Variants in GALNTL6 observed in about 807,000 individuals in gnomAD.
GALNTL6 encodes the protein polypeptide N-acetylgalactosaminyltransferase-like 6.
GALNTL6 carries 46 observed loss-of-function variants against 73.7 expected under a neutral mutation model. That is an observed-to-expected ratio of 0.62 (90% CI 0.49 to 0.80). The LOEUF (loss-of-function observed/expected upper bound fraction) is 0.80. Ranked by LOEUF, GALNTL6 falls within the 30% of genes least tolerant of loss-of-function variation. The pLI, the probability that GALNTL6 is intolerant of heterozygous loss-of-function variation, is 0.00. For synonymous variants in GALNTL6, 259 were observed against 263.7 expected (o/e 0.98, Z 0.17); for missense variants, 604 against 755.0 (o/e 0.80, Z 2.34).
chr4:171,908,516 A>G (rs1737371914), intron 2 of GALNTL6, among the ~76,000 whole-genome samples: 1 of 152,124 alleles, frequency 6.6e-6, no homozygotes, highest in Admixed American at 6.6e-5. Flanking sequence ...GAGGATGTGG[A>G]GAAATAGGAA....
intron 4 of GALNTL6, among the ~76,000 whole-genome samples, chr4:172,344,993 A>T (rs564410002): frequency 6.6e-6 from 1 of 152,188 alleles, no homozygotes; most frequent in Non-Finnish European, 1.5e-5. Context: ...TAATAATGAC[A>T]GTATTTATTA....
At chr4:171,849,246 T>G (rs756118885) in intron 2 of GALNTL6, among the ~76,000 whole-genome samples, 2 of 152,194 alleles carry the variant, frequency 1.3e-5, no homozygotes, top group Non-Finnish European at 2.9e-5. Context: ...ATTTCAATAT[T>G]GTGTCTCAGA....
chr4:172,749,107 GAGA>G (rs907904261), intron 5 of GALNTL6, among the ~76,000 whole-genome samples: 1 of 151,276 alleles, frequency 6.6e-6, no homozygotes, highest in African/African-American at 2.4e-5. Flanking sequence ...TTTTTTGATA[GAGA>G]AGAAGTTTCA....
At chr4:172,700,836 A>T (rs1253642088) in intron 5 of GALNTL6, among the ~76,000 whole-genome samples, 1 of 152,178 alleles carries the variant, frequency 6.6e-6, no homozygotes, top group Admixed American at 6.6e-5. Flanking sequence ...AATTTGAGAT[A>T]TTATATAGGC....
intron 2 of GALNTL6, among the ~76,000 whole-genome samples, chr4:172,212,017 TTTGTC>T (rs1159341924): frequency 6.6e-6 from 1 of 152,138 alleles, no homozygotes; most frequent in Non-Finnish European, 1.5e-5. Flanking sequence ...TTTTGTGTTG[TTTGTC>T]TTTAGTTTTC....
intron 8 of GALNTL6, among the ~76,000 whole-genome samples, chr4:172,912,659 G>A (rs1443207577): frequency 6.6e-6 from 1 of 152,182 alleles, no homozygotes; most frequent in Non-Finnish European, 1.5e-5. Context: ...CCGCAGCGAG[G>A]GTGGGGGAGG....
chr4:172,601,520 G>A (rs555480982), intron 5 of GALNTL6, among the ~76,000 whole-genome samples: 2 of 152,124 alleles, frequency 1.3e-5, no homozygotes, highest in African/African-American at 2.4e-5. Flanking sequence ...CCTCTCTCAC[G>A]ATGGATCACT....
chr4:172,700,712 C>A (rs1337103785), intron 5 of GALNTL6, among the ~76,000 whole-genome samples: 2 of 152,180 alleles, frequency 1.3e-5, no homozygotes, highest in African/African-American at 2.4e-5. Context: ...CATTAACATT[C>A]CTGACATATG....
chr4:172,392,605 G>A (rs73868995), intron 5 of GALNTL6, among the ~76,000 whole-genome samples: 19,786 of 152,016 alleles, frequency 0.13, 1,294 homozygotes, highest in East Asian at 0.17. Context: ...AGTTGCTCTG[G>A]CTGAAAGTTT....
At chr4:171,947,352 G>A (rs1738734485) in intron 2 of GALNTL6, among the ~76,000 whole-genome samples, 1 of 152,060 alleles carries the variant, frequency 6.6e-6, no homozygotes, top group African/African-American at 2.4e-5. Context: ...ATGAATTATA[G>A]GTTGTAAGGG....
chr4:171,992,768 T>C (rs922556484), intron 2 of GALNTL6, among the ~76,000 whole-genome samples: 4 of 152,110 alleles, frequency 2.6e-5, no homozygotes, highest in African/African-American at 9.6e-5. Flanking sequence ...TAGGGTTTCA[T>C]AGAACATAAG....
At chr4:171,943,917 T>A (rs1738626638) in intron 2 of GALNTL6, among the ~76,000 whole-genome samples, 1 of 52,656 alleles carries the variant, frequency 1.9e-5, no homozygotes, top group Non-Finnish European at 5.5e-5. Context: ...GGTATAATTT[T>A]CTTAAGTTAA....
chr4:172,171,765 CA>C (rs1734837309), intron 2 of GALNTL6, among the ~76,000 whole-genome samples: 1 of 151,926 alleles, frequency 6.6e-6, no homozygotes, highest in South Asian at 2.1e-4. Context: ...GCACACGTTG[CA>C]GTGAGCCGAG....
At chr4:172,452,016 T>C (rs754494399) in intron 5 of GALNTL6, among the ~76,000 whole-genome samples, 29 of 151,982 alleles carry the variant, frequency 1.9e-4, no homozygotes, top group Non-Finnish European at 3.7e-4. Context: ...GTCTCAAAAA[T>C]AAATAAATAA....
intron 3 of GALNTL6, among the ~76,000 whole-genome samples, chr4:172,299,513 A>C (rs1381444334): frequency 2.0e-5 from 3 of 152,150 alleles, no homozygotes; most frequent in African/African-American, 7.2e-5. Context: ...TTAGTGCTAT[A>C]AATTTCCCTC....
At chr4:172,057,434 G>A (rs1731049025) in intron 2 of GALNTL6, among the ~76,000 whole-genome samples, 1 of 151,568 alleles carries the variant, frequency 6.6e-6, no homozygotes, top group South Asian at 2.1e-4. Flanking sequence ...CATGCCTGTG[G>A]TCCCAACTAC....
intron 2 of GALNTL6, among the ~76,000 whole-genome samples, chr4:171,890,489 T>C (rs1473324685): frequency 6.6e-6 from 1 of 152,148 alleles, no homozygotes; most frequent in Non-Finnish European, 1.5e-5. Flanking sequence ...TATCTGTTTA[T>C]AGAAAAGTTA....
At chr4:172,133,513 CAA>C (rs1315711166) in intron 2 of GALNTL6, among the ~76,000 whole-genome samples, 1 of 152,092 alleles carries the variant, frequency 6.6e-6, no homozygotes, top group African/African-American at 2.4e-5. Context: ...TAGTGAAAAA[CAA>C]AAAGACAGGT....
intron 12 of GALNTL6, among the ~76,000 whole-genome samples, chr4:173,030,860 G>C (rs887351251): frequency 6.6e-6 from 1 of 151,602 alleles, no homozygotes; most frequent in East Asian, 1.9e-4. Context: ...AAAAAAGCTG[G>C]GCATAGTGGC....
Sources: allele counts gnomAD v4.1 joint callset (sites outside exome capture counted in the v4.1 genomes callset), GRCh38; gene constraint gnomAD v4.1.1; transcripts MANE v1.5; gene names NCBI Gene and HGNC (gene_info 2026-07-23, HGNC 2026-07-21).